Variants in TEAD4 observed in about 807,000 individuals in gnomAD.
TEAD4 encodes the protein TEA domain transcription factor 4.
TEAD4 carries 36 observed loss-of-function variants against 52.4 expected under a neutral mutation model. That is an observed-to-expected ratio of 0.69 (90% CI 0.53 to 0.91). TEAD4 has a LOEUF of 0.91. TEAD4 is among the 40% of genes least tolerant of loss of function. The pLI, the probability that TEAD4 is intolerant of heterozygous loss-of-function variation, is 0.00. For synonymous variants in TEAD4, 220 were observed against 231.0 expected, an observed-to-expected ratio of 0.95 and a Z score of 0.43; for missense variants, 508 against 583.9, an observed-to-expected ratio of 0.87 and a Z score of 1.34.
At chr12:3,015,903 G>T (rs1360916797) in intron 5 of TEAD4, among the ~76,000 whole-genome samples, 1 of 152,108 alleles carries the variant, frequency 6.6e-6, no homozygotes, top group African/African-American at 2.4e-5. Flanking sequence ...TCATGGGTGG[G>T]GGCGGTGGCT....
At chr12:2,960,491 T>G (rs1360902715) in intron 2 of TEAD4, 1 of 454,838 alleles carries the variant, frequency 2.2e-6, no homozygotes, top group Non-Finnish European at 2.9e-6. Flanking sequence ...GAGCAGAACT[T>G]TCAAACCCCA....
chr12:2,987,559 C>T (rs375169445), intron 2 of TEAD4, among the ~76,000 whole-genome samples: 1 of 151,722 alleles, frequency 6.6e-6, no homozygotes, highest in African/African-American at 2.4e-5. Context: ...CTCAGCCTCC[C>T]GAGTAGCTGG....
At chr12:2,971,805 T>TC (rs1343069902) in intron 2 of TEAD4, among the ~76,000 whole-genome samples, 2 of 143,186 alleles carry the variant, frequency 1.4e-5, no homozygotes, top group African/African-American at 5.4e-5. Flanking sequence ...CTTTTTTTTT[T>TC]CTTTCTTTCT....
intron 2 of TEAD4, among the ~76,000 whole-genome samples, chr12:2,964,762 G>A (rs545726050): frequency 2.0e-5 from 3 of 151,952 alleles, no homozygotes; most frequent in East Asian, 1.9e-4. Flanking sequence ...GTGAACCACC[G>A]TGCGCCTGGC....
chr12:3,022,251 G>T (rs1180018812), intron 10 of TEAD4, among the ~76,000 whole-genome samples: 1 of 152,230 alleles, frequency 6.6e-6, no homozygotes, highest in African/African-American at 2.4e-5. Context: ...CACGGGTGGG[G>T]ATGGCAGCTA....
At position 3,012,251 on chromosome 12, in the gene TEAD4, G is replaced by C. The variant is rs199775227; in HGVS notation, c.354+19G>C. ...GCTAAAGGTAAGGAAACTGCAGTGGGGGTGCTGGAGTGGCCAGGAGTGGTG... is the reference window on the plus strand; with the variant it reads ...GCTAAAGGTAAGGAAACTGCAGTGGCGGTGCTGGAGTGGCCAGGAGTGGTG... On this transcript the variant is annotated intron_variant, in intron 5 of 12. Coordinates refer to ENST00000359864, the MANE Select transcript of TEAD4 (RefSeq NM_003213.4). The C allele has an allele frequency of 5.6e-6, 9 of 1,613,458 alleles. No homozygotes were observed. The highest frequency in any genetic ancestry group is 5.3e-5 in the African/African-American group (4 of 75,040).
chr12:2,967,074 T>C (rs2098221039), intron 2 of TEAD4, among the ~76,000 whole-genome samples: 1 of 152,152 alleles, frequency 6.6e-6, no homozygotes, highest in Non-Finnish European at 1.5e-5. Context: ...TTCAAAATCA[T>C]CTCAGTTGAC....
intron 3 of TEAD4, among the ~76,000 whole-genome samples, chr12:3,008,272 T>A (rs1289552335): frequency 6.6e-6 from 1 of 152,110 alleles, no homozygotes; most frequent in Admixed American, 6.5e-5. Context: ...GCAGGTGGTG[T>A]GGGACTCTGG....
chr12:3,034,449 G>C (rs548575265), intron 10 of TEAD4, among the ~76,000 whole-genome samples: 1 of 152,234 alleles, frequency 6.6e-6, no homozygotes, highest in African/African-American at 2.4e-5. Flanking sequence ...TATCTGGAAG[G>C]GGGCAAGGAC....
chr12:2,981,842 G>A (rs1204412186), intron 2 of TEAD4, among the ~76,000 whole-genome samples: 1 of 152,112 alleles, frequency 6.6e-6, no homozygotes, highest in East Asian at 1.9e-4. Flanking sequence ...TCTTTCACCT[G>A]TCTCATTTTA....
At chr12:3,011,791 G>A (rs2098260569) in intron 4 of TEAD4, among the ~76,000 whole-genome samples, 2 of 152,084 alleles carry the variant, frequency 1.3e-5, no homozygotes, top group African/African-American at 4.8e-5. Flanking sequence ...TCAGCCTTCC[G>A]AGTAGCTGGA....
chr12:2,982,586 G>T (rs12826157), intron 2 of TEAD4, among the ~76,000 whole-genome samples: 124,595 of 152,042 alleles, frequency 0.82, 51,776 homozygotes, highest in Non-Finnish European at 0.9. Context: ...TGCGTGGGAG[G>T]TTTGCCTGGT....
intron 6 of TEAD4, among the ~76,000 whole-genome samples, chr12:3,018,115 G>A (rs2098265909): frequency 6.6e-6 from 1 of 152,242 alleles, no homozygotes; most frequent in Non-Finnish European, 1.5e-5. Flanking sequence ...ACGTGGGGAA[G>A]GGGCAGTGCC....
chr12:2,973,481 GAGTGAGGAACTCTGAA>G (rs112060835), intron 2 of TEAD4, among the ~76,000 whole-genome samples: 2 of 152,364 alleles, frequency 1.3e-5, no homozygotes, highest in African/African-American at 4.8e-5. Context: ...AAGATGATGG[GAGTGAGGAACTCTGAA>G]AGTGAGGTGA....
At chr12:3,003,543 G>A (rs900606759) in intron 3 of TEAD4, among the ~76,000 whole-genome samples, 1 of 152,112 alleles carries the variant, frequency 6.6e-6, no homozygotes, top group Non-Finnish European at 1.5e-5. Flanking sequence ...TGTGGGGCTA[G>A]GAGAAAGCGG....
chr12:2,982,884 G>A (rs1266514977), intron 2 of TEAD4, among the ~76,000 whole-genome samples: 2 of 152,198 alleles, frequency 1.3e-5, no homozygotes, highest in African/African-American at 4.8e-5. Context: ...CTGCTGGGCT[G>A]CCCTAGGCCC....
intron 5 of TEAD4, among the ~76,000 whole-genome samples, chr12:3,016,766 G>T (rs1326686030): frequency 1.9e-4 from 29 of 152,182 alleles, no homozygotes; most frequent in Admixed American, 1.4e-3. Flanking sequence ...TGTTACCCGT[G>T]CCATCCAAGT....
chr12:2,995,284 C>T (rs1008378720), intron 3 of TEAD4, among the ~76,000 whole-genome samples: 1 of 152,154 alleles, frequency 6.6e-6, no homozygotes, highest in Non-Finnish European at 1.5e-5. Context: ...GGGGAGCACC[C>T]CACAAGCTGT....
intron 2 of TEAD4, among the ~76,000 whole-genome samples, chr12:2,963,011 G>T (rs2153952009): frequency 6.6e-6 from 1 of 152,290 alleles, no homozygotes; most frequent in African/African-American, 2.4e-5. Flanking sequence ...AGATAAGGTT[G>T]GTAGGAGGCA....
Sources: gnomAD v4.1 joint callset for allele counts (sites outside exome capture counted in the v4.1 genomes callset) on GRCh38, gnomAD v4.1.1 for gene constraint, MANE v1.5 for transcripts, NCBI Gene and HGNC (gene_info 2026-07-23, HGNC 2026-07-21) for gene names.